The following STON2 variants were observed in gnomAD, a reference collection of about 807,000 sequenced individuals.
STON2 encodes stonin-2.
A neutral mutation model predicts 65.7 loss-of-function variants in STON2; 29 were observed. That is an observed-to-expected ratio of 0.44 (90% CI 0.33 to 0.60). STON2 has a LOEUF of 0.60. STON2 is among the 20% of genes least tolerant of loss of function. The pLI, the probability that STON2 is intolerant of heterozygous loss-of-function variation, is 0.03. For missense variants in STON2, 1,054 were observed against 1,118.1 expected (o/e 0.94, Z 0.82); for synonymous variants, 404 against 414.2 (o/e 0.98, Z 0.30).
At chr14:81,389,092 G>A (rs551622798) in intron 3 of STON2, among the ~76,000 whole-genome samples, 1 of 152,126 alleles carries the variant, frequency 6.6e-6, no homozygotes, top group Non-Finnish European at 1.5e-5. Flanking sequence ...GAAGACATCC[G>A]ATCAGAAAGT....
intron 5 of STON2, among the ~76,000 whole-genome samples, chr14:81,305,112 G>A (rs1374869869): frequency 2.6e-5 from 4 of 152,176 alleles, no homozygotes; most frequent in African/African-American, 7.2e-5. Flanking sequence ...TACATGTGAT[G>A]TGTTAGTTTG....
In STON2 at chr14:81,277,630, T is replaced by G; in HGVS notation, c.1852A>C (p.Thr618Pro). 6.2e-7 allele frequency: 1 copy of G among 1,614,190 alleles called. No homozygotes were observed. The highest frequency in any genetic ancestry group is 1.1e-5 in the South Asian group (1 of 91,084). The change falls in exon 6 of 8, where the codon ACA becomes CCA. Residue 618 changes from threonine to proline, a missense_variant. Transcript: ENST00000614646. The stretch of plus-strand genomic sequence containing the variant: ...TCTTCAAGGTAGTTGAGGCCAACTG[T>G]GCTCAAGTCCATTGACAACACTGGC... ...DLPVLSMDLS[T>P]VGLNYLEEEI...
chr14:81,395,839 T>C (rs1030804208), intron 3 of STON2, 55 bp downstream of exon 3: 1 of 1,586,614 alleles, frequency 6.3e-7, no homozygotes, highest in African/African-American at 1.3e-5. Flanking sequence ...GACCTCTCAC[T>C]GAAAAGCATC....
At chr14:81,365,487 G>C (rs2140351076) in intron 4 of STON2, among the ~76,000 whole-genome samples, 1 of 152,268 alleles carries the variant, frequency 6.6e-6, no homozygotes, top group African/African-American at 2.4e-5. Flanking sequence ...CAGGTGCAGT[G>C]GCTCATGCCT....
chr14:81,395,430 C>A (rs150185372), intron 3 of STON2: 2 of 153,296 alleles, frequency 1.3e-5, no homozygotes, highest in East Asian at 3.9e-4. Context: ...TTGGCAGAGA[C>A]GGGGTTTCTC....
intron 2 of STON2, among the ~76,000 whole-genome samples, chr14:81,420,435 A>T (rs1290453474): frequency 1.3e-5 from 2 of 152,182 alleles, no homozygotes; most frequent in African/African-American, 4.8e-5. Context: ...TCATTCATTC[A>T]TTCAATAAGC....
intron 5 of STON2, among the ~76,000 whole-genome samples, chr14:81,283,912 G>T (rs1895232591): frequency 6.6e-6 from 1 of 152,170 alleles, no homozygotes; most frequent in Non-Finnish European, 1.5e-5. Context: ...TGCTCACTCT[G>T]TCTCTGGGTC....
chr14:81,362,612 T>C (rs1321769600), intron 4 of STON2, among the ~76,000 whole-genome samples: 2 of 152,122 alleles, frequency 1.3e-5, no homozygotes, highest in African/African-American at 2.4e-5. Flanking sequence ...GTATTTTAGA[T>C]TGGAAAATTG....
At chr14:81,338,690 A>G (rs913010228) in intron 4 of STON2, among the ~76,000 whole-genome samples, 8 of 152,190 alleles carry the variant, frequency 5.3e-5, no homozygotes, top group African/African-American at 1.9e-4. Flanking sequence ...GTCTGACACT[A>G]TGTCCAGGTA....
In STON2 at chr14:81,263,250, C is replaced by T. The variant is rs1894220263; in HGVS notation, c.*5164G>A. 1.2e-6 allele frequency: 1 copy of T among 864,682 alleles called. No individual in the cohort carries two copies. Among genetic ancestry groups the T allele is most frequent in the Admixed American group, 6.2e-5 (1 of 16,094 alleles). The allele number at this position is 864,682 out of a possible 1,614,324, so 53.6% of individuals were successfully genotyped here. On this transcript the variant is annotated 3_prime_UTR_variant, in exon 8 of 8. Coordinates refer to ENST00000614646, the MANE Select transcript of STON2 (RefSeq NM_001394390.1). ...TCGTAAACTTTCTTAAAACATTATG[C>T]TATTTTGGCCAGGCGCGGCGGCTCA...
In STON2 at chr14:81,407,246, T is replaced by A. The variant is rs1280635527; in HGVS notation, c.-198-8666A>T. Among the ~76,000 whole-genome samples, 5 of 152,198 alleles carry A rather than the reference T, an allele frequency of 3.3e-5. No individual in the cohort carries two copies. In the East Asian group the frequency reaches 7.7e-4, roughly 23 times the overall value. ...TTACTTTCTGACTTGTGTTCACTTTTAAAAAGAGACTAGTTCAGACATCTA... is the reference window on the plus strand; with the variant it reads ...TTACTTTCTGACTTGTGTTCACTTTAAAAAAGAGACTAGTTCAGACATCTA... On this transcript the variant is annotated intron_variant, in intron 2 of 8. Transcript: ENST00000553821.
rs1416412182 is a variant in STON2, at chr14:81,413,815, T to TAAAC, written c.-199+13283_-199+13286dup. 5.8e-5 allele frequency among the ~76,000 whole-genome samples: 8 copies of TAAAC among 139,112 alleles called. 2 individuals carry two copies. Among genetic ancestry groups the TAAAC allele is most frequent in the African/African-American group, 2.4e-4 (8 of 33,730 alleles). 91.3% of individuals were successfully genotyped at this position (139,112 alleles called of 152,430 possible). A position where few individuals can be genotyped will look rare whatever the true frequency, so the allele number is the denominator to read the frequency against. On this transcript the variant is annotated intron_variant, in intron 2 of 8. Coordinates refer to the STON2 transcript ENST00000553821. The stretch of plus-strand genomic sequence containing the variant: ...CCATCTCAAAAAATAAATAAATAAA[T>TAAAC]AAACAAACAAATCTGTTGCACATGT...
chr14:81,405,645 G>A (rs746325959), intron 2 of STON2, among the ~76,000 whole-genome samples: 7 of 151,532 alleles, frequency 4.6e-5, no homozygotes, highest in Non-Finnish European at 1.0e-4. Flanking sequence ...AGTGCTGCTC[G>A]CCTAGAGCTT....
chr14:81,368,630 C>G (rs1476914987), intron 4 of STON2, among the ~76,000 whole-genome samples: 2 of 152,150 alleles, frequency 1.3e-5, no homozygotes, highest in African/African-American at 2.4e-5. Flanking sequence ...AGGAAAACTA[C>G]TTGAGCCTGG....
intron 5 of STON2, among the ~76,000 whole-genome samples, chr14:81,297,048 T>C (rs2140171887): frequency 6.6e-6 from 1 of 152,202 alleles, no homozygotes; most frequent in African/African-American, 2.4e-5. Flanking sequence ...TACAGGGCCC[T>C]TGGGGACTTC....
intron 2 of STON2, among the ~76,000 whole-genome samples, chr14:81,420,967 C>T (rs111865242): frequency 0.039 from 5,972 of 152,206 alleles, 154 homozygotes; most frequent in South Asian, 0.074. Context: ...GTGTGTGTCA[C>T]AGACAGGGTG....
chr14:81,276,781 C>T (rs961361016), intron 6 of STON2, 120 bp downstream of exon 6: 12 of 1,191,562 alleles, frequency 1.0e-5, no homozygotes, highest in Admixed American at 2.3e-5. Context: ...GTCCCACTCC[C>T]CCTCCATCAC....
At chr14:81,404,759 A>C (rs111262534), upstream of STON2, among the ~76,000 whole-genome samples, 2,239 of 152,246 alleles carry the variant, frequency 0.015, 56 homozygotes, top group African/African-American at 0.051. Context: ...CTCCCACCTC[A>C]GTCTCCCAAA....
At chr14:81,343,663 T>C (rs760464567) in intron 4 of STON2, among the ~76,000 whole-genome samples, 5 of 152,156 alleles carry the variant, frequency 3.3e-5, no homozygotes, top group Admixed American at 1.3e-4. Flanking sequence ...CTTAAAAAAT[T>C]TTCTTCCCAT....
Sources: allele counts gnomAD v4.1 joint callset (sites outside exome capture counted in the v4.1 genomes callset), GRCh38; gene constraint gnomAD v4.1.1; transcripts MANE v1.5; gene names NCBI Gene and HGNC (gene_info 2026-07-23, HGNC 2026-07-21).